Variants in GOLGA1 observed in about 807,000 individuals in gnomAD.
The protein encoded by GOLGA1 is golgin A1.
A neutral mutation model predicts 119.7 loss-of-function variants in GOLGA1; 63 were observed. The observed-to-expected ratio is 0.53, with a 90% CI of 0.43 to 0.65. The LOEUF is 0.65. Ranked by LOEUF, GOLGA1 falls within the 30% of genes least tolerant of loss-of-function variation. The pLI is 0.00. For synonymous variants in GOLGA1, 318 were observed against 333.4 expected, an observed-to-expected ratio of 0.95 and a Z score of 0.50; for missense variants, 798 against 912.8, an observed-to-expected ratio of 0.87 and a Z score of 1.62.
chr9:124,944,067 T>C (rs570950475), upstream of GOLGA1: 1 of 152,302 alleles, frequency 6.6e-6, no homozygotes, highest in East Asian at 1.9e-4. Flanking sequence ...GGAAGAATCA[T>C]CCAAAATCTA....
chr9:124,888,650 T>C lies in GOLGA1; in HGVS notation c.1762-254A>G, dbSNP rs78671919. Among the ~76,000 whole-genome samples the C allele has an allele frequency of 0.029, 4,432 of 152,272 alleles. 229 individuals are homozygous for C. Among genetic ancestry groups the C allele is most frequent in the African/African-American group, 0.097 (4,042 of 41,536 alleles). On this transcript the variant is annotated intron_variant, in intron 18 of 22. Transcript: ENST00000373555. This position sits in a 1 kb window ranked among gnomAD's most constrained non-coding sequence, Gnocchi z 4.4. ...CAGGGGTGCCATCTGTGATGGGCTC[T>C]TCAGGACTCATGGCCTCCTAGCCAT...
Position 124,930,500 on chromosome 9 carries a change from C to A in GOLGA1, c.226+816G>T, listed in dbSNP as rs117193841. Among the ~76,000 whole-genome samples, 283 of 152,268 alleles carry A rather than the reference C, an allele frequency of 1.9e-3. 1 individual carries two copies. The highest frequency in any genetic ancestry group is 2.6e-3 in the Non-Finnish European group (174 of 68,006). ...GGTAGTTGTGAGCTATGCTATGAACCTTTGATAACTACATAAATACAAATA... is the reference window on the plus strand; with the variant it reads ...GGTAGTTGTGAGCTATGCTATGAACATTTGATAACTACATAAATACAAATA... On this transcript the variant is annotated intron_variant, in intron 4 of 22. Transcript: ENST00000373555.
chr9:124,906,116 A>AAAAT (rs60890510), intron 12 of GOLGA1, among the ~76,000 whole-genome samples: 2,056 of 145,128 alleles, frequency 0.014, 62 homozygotes, highest in Admixed American at 0.068. Flanking sequence ...GTGTCTCCAA[A>AAAAT]AAATAAATAA....
Position 124,889,165 on chromosome 9 carries a change from G to A in GOLGA1, c.1739C>T (p.Ala580Val). The change falls in exon 18 of 23, where the codon GCA becomes GTA. Residue 580 changes from alanine to valine, a missense_variant. Physicochemically the swap from Ala to Val is moderately conservative, Grantham distance 64. Transcript: ENST00000373555. The stretch of plus-strand genomic sequence containing the variant: ...TACGTGCGACTCATTGACTGAGAGT[G>A]CTTCGGCCTGCAATGGGCCCCGCAG... Reference protein sequence around the residue: ...LRLRGPLQAEALSVNESHVTS... With the variant: ...LRLRGPLQAEVLSVNESHVTS... 1 of 1,611,442 alleles carries A rather than the reference G, an allele frequency of 6.2e-7. No individual in the cohort carries two copies. Among genetic ancestry groups the A allele is most frequent in the Non-Finnish European group, 8.5e-7 (1 of 1,179,436 alleles).
intron 13 of GOLGA1, 129 bp from the exon 14 acceptor site, chr9:124,899,607 G>T: frequency 3.3e-6 from 3 of 903,780 alleles, no homozygotes; most frequent in Non-Finnish European, 5.0e-6. Flanking sequence ...CCCCCCTGGC[G>T]TTGCTGAGGT....
chr9:124,924,864 G>A (rs967514422), intron 7 of GOLGA1, among the ~76,000 whole-genome samples: 1 of 151,572 alleles, frequency 6.6e-6, no homozygotes, highest in African/African-American at 2.4e-5. Flanking sequence ...CAGATCACGA[G>A]GTCAGGAGAT....
intron 16 of GOLGA1, 33 bp from the exon 17 acceptor site, chr9:124,889,569 G>A (rs775252950): frequency 7.5e-7 from 1 of 1,339,706 alleles, no homozygotes; most frequent in South Asian, 1.2e-5. Context: ...AGGGAAGGTT[G>A]TGAGCAGTGA....
intron 15 of GOLGA1, among the ~76,000 whole-genome samples, chr9:124,894,898 A>T (rs1829929062): frequency 6.6e-6 from 1 of 151,890 alleles, no homozygotes; most frequent in Non-Finnish European, 1.5e-5. Flanking sequence ...CACAACAGAG[A>T]CCCATCCAAA....
intron 15 of GOLGA1, among the ~76,000 whole-genome samples, chr9:124,896,191 A>G (rs588362): frequency 0.34 from 51,348 of 152,056 alleles, 9,324 homozygotes; most frequent in Middle Eastern, 0.46. Flanking sequence ...ACGCAGGTGG[A>G]TCACTTGAGG....
At chr9:124,945,113 C>T (rs1466372377), upstream of GOLGA1, 1 of 151,968 alleles carries the variant, frequency 6.6e-6, no homozygotes, top group African/African-American at 2.4e-5. Context: ...AATTGATACC[C>T]AATTTATAGT....
chr9:124,886,249 C>T (rs1829717393), intron 19 of GOLGA1, among the ~76,000 whole-genome samples: 1 of 152,162 alleles, frequency 6.6e-6, no homozygotes, highest in African/African-American at 2.4e-5. Flanking sequence ...GCTGAGATCG[C>T]AGAGGAGGGC....
At chr9:124,947,721 G>A (rs1831169692) in intron 1 of GOLGA1, 1 of 152,080 alleles carries the variant, frequency 6.6e-6, no homozygotes, top group South Asian at 2.1e-4. Context: ...AATAAAATAA[G>A]AATTTCAAAT....
intron 12 of GOLGA1, 128 bp from the exon 13 acceptor site, chr9:124,900,675 A>G (rs1174572727): frequency 1.9e-6 from 1 of 534,710 alleles, no homozygotes; most frequent in African/African-American, 1.9e-5. Flanking sequence ...GAGAAAAAAG[A>G]TACTGCATAA....
intron 10 of GOLGA1, among the ~76,000 whole-genome samples, chr9:124,914,479 C>T (rs906946906): frequency 1.1e-4 from 16 of 150,730 alleles, no homozygotes; most frequent in African/African-American, 3.7e-4. Context: ...CCAGCCTGAG[C>T]GAGGAGCGAC....
At chr9:124,947,583 T>C (rs973767920) in intron 1 of GOLGA1, 7 of 152,124 alleles carry the variant, frequency 4.6e-5, no homozygotes, top group Non-Finnish European at 8.8e-5. Flanking sequence ...CCACAATGGG[T>C]ATGGGTACAT....
At chr9:124,904,005 G>C (rs1008973031) in intron 12 of GOLGA1, among the ~76,000 whole-genome samples, 1 of 151,650 alleles carries the variant, frequency 6.6e-6, no homozygotes, top group Non-Finnish European at 1.5e-5. Context: ...GGAGGTTGCA[G>C]TGAGCCGAGA....
chr9:124,897,640 C>T (rs549504530), intron 15 of GOLGA1, among the ~76,000 whole-genome samples: 4 of 152,264 alleles, frequency 2.6e-5, no homozygotes, highest in South Asian at 4.1e-4. Flanking sequence ...CGCACTGGCT[C>T]ATTGCTATTT....
At position 124,888,151 on chromosome 9, in the gene GOLGA1, C is replaced by CG; in HGVS notation, c.1905+101dup. ...GAGGGGTCATGGTTGCCAGGAGGTG[C>CG]GGGGGAAACCACAAAAACCTCCAAG... On this transcript the variant is annotated intron_variant, in intron 19 of 22. Coordinates refer to ENST00000373555, the MANE Select transcript of GOLGA1 (RefSeq NM_002077.4). This position sits in a 1 kb window ranked among gnomAD's most constrained non-coding sequence, Gnocchi z 4.4. 9.3e-7 allele frequency: 1 copy of CG among 1,072,718 alleles called. No individual in the cohort carries two copies. Among genetic ancestry groups the CG allele is most frequent in the Non-Finnish European group, 1.4e-6 (1 of 706,058 alleles). The allele number at this position is 1,072,718 out of a possible 1,614,324, so 66.4% of individuals were successfully genotyped here. A position where few individuals can be genotyped will look rare whatever the true frequency, so the allele number is the denominator to read the frequency against.
At position 124,928,187 on chromosome 9, in the gene GOLGA1, C is replaced by T. The variant is rs1830707863; in HGVS notation, c.399+1G>A. Reference sequence around the variant, plus strand: ...TCTGGGCAGTGCCACATATAAAATACCTGGTCCTTTCTGGCTAATGCCAAA... The same window carrying T: ...TCTGGGCAGTGCCACATATAAAATATCTGGTCCTTTCTGGCTAATGCCAAA... On this transcript the variant is annotated splice_donor_variant, in intron 6 of 22. Coordinates refer to ENST00000373555, the MANE Select transcript of GOLGA1 (RefSeq NM_002077.4). LOFTEE classifies it high-confidence loss of function. 2 of 1,480,368 alleles carry T rather than the reference C, an allele frequency of 1.4e-6. No individual in the cohort carries two copies. The highest frequency in any genetic ancestry group is 1.4e-5 in the African/African-American group (1 of 71,816). 91.7% of individuals were successfully genotyped at this position (1,480,368 alleles called of 1,614,324 possible).
Sources: gnomAD v4.1 joint callset for allele counts (sites outside exome capture counted in the v4.1 genomes callset) on GRCh38, gnomAD v4.1.1 for gene constraint, Gnocchi (gnomAD v3.1) non-coding constraint, MANE v1.5 for transcripts, NCBI Gene and HGNC (gene_info 2026-07-23, HGNC 2026-07-21) for gene names.